Variants in KTN1 observed in about 807,000 individuals in gnomAD.
The protein encoded by KTN1 is kinectin 1.
KTN1 carries 130 observed loss-of-function variants against 222.5 expected under a neutral mutation model. The ratio of observed to expected loss-of-function variants is 0.58; its 90% confidence interval spans 0.51 to 0.68. The LOEUF (loss-of-function observed/expected upper bound fraction) is 0.68, where lower values mean the gene tolerates loss of function less well. KTN1 is among the 30% of genes least tolerant of loss of function. KTN1 has a pLI of 0.00. For missense variants in KTN1, 1,508 were observed against 1,500.4 expected, an observed-to-expected ratio of 1.01 and a Z score of -0.08; for synonymous variants, 512 against 496.3, an observed-to-expected ratio of 1.03 and a Z score of -0.42.
At chr14:55,613,272 G>T (rs1005488289) in intron 2 of KTN1, among the ~76,000 whole-genome samples, 10 of 152,032 alleles carry the variant, frequency 6.6e-5, no homozygotes, top group African/African-American at 1.9e-4. Flanking sequence ...AGCAAGTAAT[G>T]CCAGAAATTT....
chr14:55,662,999 A>C (rs2044320211), intron 32 of KTN1: 1 of 455,632 alleles, frequency 2.2e-6, no homozygotes, highest in Admixed American at 2.4e-5. Context: ...TAGCAGTGTC[A>C]GTCTTTCCTT....
At chr14:55,603,418 A>G (rs1303501985) in intron 1 of KTN1, among the ~76,000 whole-genome samples, 4 of 152,228 alleles carry the variant, frequency 2.6e-5, no homozygotes, top group Non-Finnish European at 2.9e-5. Context: ...TAAATTCAGA[A>G]GTCAATTACT....
chr14:55,588,976 G>A lies in KTN1; in HGVS notation c.-31+8622G>A, dbSNP rs555029258. On this transcript the variant is annotated intron_variant, in intron 1 of 43. Transcript: ENST00000395314. ...CAAAAAATTTTCCAATATAGTTACCGAAAAAAAAATCTGCATGAAGTGGAC... is the reference window on the plus strand; with the variant it reads ...CAAAAAATTTTCCAATATAGTTACCAAAAAAAAAATCTGCATGAAGTGGAC... Among the ~76,000 whole-genome samples, 7 of 149,250 alleles carry A rather than the reference G, an allele frequency of 4.7e-5. No individual in the cohort carries two copies. In the East Asian group the frequency reaches 1.2e-3, roughly 25 times the overall value.
In KTN1 at chr14:55,629,952, T is replaced by G; in HGVS notation, c.1081-5T>G. 1 of 1,570,416 alleles carries G rather than the reference T, an allele frequency of 6.4e-7. No homozygotes were observed. Among genetic ancestry groups the G allele is most frequent in the East Asian group, 2.2e-5 (1 of 44,576 alleles). On this transcript the variant is annotated splice_region_variant and splice_polypyrimidine_tract_variant and intron_variant, in intron 6 of 43. Coordinates refer to ENST00000395314, the MANE Select transcript of KTN1 (RefSeq NM_001079521.2). ...AGTTTTTAAATTTCTGGGATATTCT[T>G]TTAGGAAATGATGACAGAGAAAGAA...
At chr14:55,630,554 C>T (rs1312509973) in intron 7 of KTN1, among the ~76,000 whole-genome samples, 1 of 152,086 alleles carries the variant, frequency 6.6e-6, no homozygotes, top group South Asian at 2.1e-4. Context: ...AATGAGTGCA[C>T]TCCAGGTGTT....
At position 55,612,275 on chromosome 14, in the gene KTN1, A is replaced by G; in HGVS notation, c.227A>G (p.Asp76Gly). The G allele has an allele frequency of 1.9e-6, 3 of 1,605,710 alleles. No individual in the cohort carries two copies. Among genetic ancestry groups the G allele is most frequent in the Non-Finnish European group, 2.5e-6 (3 of 1,178,160 alleles). ...EIQNGNLHES[D>G]SESVPRDFKL... ...CAGAATGGAAACCTCCATGAATCCG[A>G]CTCTGAGAGTGTACCTCGAGACTTT... Residue 76 changes from aspartate to glycine, a missense_variant, in exon 2 of 44, where the codon GAC becomes GGC. Transcript: ENST00000395314.
intron 2 of KTN1, among the ~76,000 whole-genome samples, chr14:55,614,705 T>C (rs2038092602): frequency 2.0e-5 from 3 of 152,254 alleles, no homozygotes; most frequent in Admixed American, 2.0e-4. Context: ...TGTTTATGAC[T>C]GGCTTTCATG....
Position 55,634,931 on chromosome 14 carries a change from G to A in KTN1, c.1461+273G>A, listed in dbSNP as rs190016372. ...CCCTTATAAAACCATTAGATCTTGT[G>A]AGATCTCACTATTACAAGAACAGCA... On this transcript the variant is annotated intron_variant, in intron 9 of 43. Coordinates refer to ENST00000395314, the MANE Select transcript of KTN1 (RefSeq NM_001079521.2). Among the ~76,000 whole-genome samples, 13 of 152,156 alleles carry A rather than the reference G, an allele frequency of 8.5e-5. No homozygotes were observed. The East Asian group carries it at 2.3e-3, about 27-fold the overall frequency.
chr14:55,650,535 A>G (rs919937413), intron 23 of KTN1, 34 bp from the exon 24 acceptor site: 25 of 1,567,150 alleles, frequency 1.6e-5, no homozygotes, highest in Non-Finnish European at 2.2e-5. Flanking sequence ...CTGTGTTTCC[A>G]TTGTCCAATC....
At position 55,671,795 on chromosome 14, in the gene KTN1, T is replaced by C; in HGVS notation, c.3449T>C (p.Leu1150Ser). 6.2e-7 allele frequency: 1 copy of C among 1,609,642 alleles called. No homozygotes were observed. Among genetic ancestry groups the C allele is most frequent in the Non-Finnish European group, 8.5e-7 (1 of 1,176,208 alleles). The change falls in exon 37 of 44, where the codon TTA (leucine) becomes TCA (serine). Residue 1150 changes from leucine (L) to serine (S), a missense_variant. Transcript: ENST00000395314. The part of the protein sequence containing the change: ...KSVLAETEGI[L>S]QKLQRSVEQE... ...TGCTTTTGTCTGTAGGAAGGAATTT[T>C]ACAGAAGCTACAGAGAAGTGTTGAG...
At chr14:55,599,793 G>C (rs1292207459) in intron 1 of KTN1, among the ~76,000 whole-genome samples, 1 of 152,088 alleles carries the variant, frequency 6.6e-6, no homozygotes, top group Non-Finnish European at 1.5e-5. Context: ...CTGTAGATGA[G>C]AATTTAAGGT....
intron 3 of KTN1, among the ~76,000 whole-genome samples, chr14:55,617,487 G>T (rs552600839): frequency 6.6e-6 from 1 of 151,794 alleles, no homozygotes; most frequent in Non-Finnish European, 1.5e-5. Flanking sequence ...GAAATTAGAG[G>T]CATAACTCTT....
chr14:55,631,443 T>G (rs2040528227), intron 7 of KTN1, among the ~76,000 whole-genome samples: 1 of 151,110 alleles, frequency 6.6e-6, no homozygotes, highest in Non-Finnish European at 1.5e-5. Context: ...TATGCTTGAA[T>G]CCTGTGACTT....
chr14:55,587,788 CTT>C (rs1294113861), intron 1 of KTN1, among the ~76,000 whole-genome samples: 4 of 152,144 alleles, frequency 2.6e-5, no homozygotes, highest in Non-Finnish European at 5.9e-5. Flanking sequence ...GCTGGATAAT[CTT>C]TGTGCTTGGT....
intron 1 of KTN1, chr14:55,601,799 G>C (rs768686601): frequency 6.6e-6 from 1 of 152,034 alleles, no homozygotes; most frequent in Non-Finnish European, 1.5e-5. Flanking sequence ...GCAGTGGTGT[G>C]ACCTTGGCTT....
intron 5 of KTN1, 42 bp downstream of exon 5, chr14:55,619,354 A>T (rs957837794): frequency 1.3e-6 from 2 of 1,597,706 alleles, no homozygotes; most frequent in Non-Finnish European, 1.7e-6. Context: ...ATGACCAGTC[A>T]TTAGAAGTTC....
At chr14:55,611,981 CTTT>C (rs1555363594) in intron 1 of KTN1, 35 bp from the exon 2 acceptor site, 274 of 767,242 alleles carry the variant, frequency 3.6e-4, no homozygotes, top group Non-Finnish European at 4.0e-4. Flanking sequence ...CTGACAGGTT[CTTT>C]TTTTTTTTTT....
intron 13 of KTN1, 59 bp from the exon 14 acceptor site, chr14:55,639,854 C>T (rs1002636217): frequency 9.2e-7 from 1 of 1,081,988 alleles, no homozygotes; most frequent in Non-Finnish European, 1.4e-6. Context: ...GGCTTTAAAT[C>T]CTTTTGATTT....
At chr14:55,583,802 A>G (rs778708735) in intron 1 of KTN1, among the ~76,000 whole-genome samples, 1 of 152,166 alleles carries the variant, frequency 6.6e-6, no homozygotes, top group East Asian at 1.9e-4. Context: ...GTCAACTCCA[A>G]CTAAATTTCC....
Sources: allele counts gnomAD v4.1 joint callset (sites outside exome capture counted in the v4.1 genomes callset), GRCh38; gene constraint gnomAD v4.1.1; transcripts MANE v1.5; gene names NCBI Gene and HGNC (gene_info 2026-07-23, HGNC 2026-07-21).